The following NBAS variants were observed in gnomAD, a reference collection of about 807,000 sequenced individuals.
The protein encoded by NBAS is NAG/BC035112 fusion.
In NBAS, 219 loss-of-function variants were observed where a neutral mutation model predicts 302.5. The observed-to-expected ratio is 0.72, with a 90% CI of 0.65 to 0.81. The LOEUF is 0.81. Ranked by LOEUF, NBAS falls within the 30% of genes least tolerant of loss-of-function variation. The probability of loss-of-function intolerance (pLI) is 0.00; values close to 1 mark genes in which losing one functional copy is unlikely to be tolerated. For missense variants in NBAS, 2,932 were observed against 2,841.6 expected (o/e 1.03, Z -0.72); for synonymous variants, 1,118 against 1,021.6 (o/e 1.09, Z -1.80).
At chr2:15,539,457 T>TA (rs1663692363) in intron 6 of NBAS, 101 bp from the exon 7 acceptor site, 1 of 1,379,792 alleles carries the variant, frequency 7.2e-7, no homozygotes, top group Admixed American at 1.8e-5. Context: ...GTACAATAAT[T>TA]ACGTCATCTC....
chr2:14,859,388 A>T, the NBAS span, among the ~76,000 whole-genome samples: 1 of 152,028 alleles, frequency 6.6e-6, no homozygotes, highest in African/African-American at 2.4e-5. Flanking sequence ...GCCAAAGCCA[A>T]TCCTGAGCAA....
At chr2:15,526,257 A>G (rs1662908416) in intron 9 of NBAS, among the ~76,000 whole-genome samples, 1 of 152,202 alleles carries the variant, frequency 6.6e-6, no homozygotes, top group Non-Finnish European at 1.5e-5. Flanking sequence ...TAGGATATAT[A>G]AAAAAGAAAA....
At chr2:14,834,088 T>A in the NBAS span, among the ~76,000 whole-genome samples, 1 of 152,138 alleles carries the variant, frequency 6.6e-6, no homozygotes, top group Non-Finnish European at 1.5e-5. Flanking sequence ...GCAAATAACT[T>A]GGATTTAAAT....
chr2:15,421,286 C>T (rs1303154452), intron 23 of NBAS, among the ~76,000 whole-genome samples: 2 of 152,132 alleles, frequency 1.3e-5, no homozygotes, highest in East Asian at 3.8e-4. Flanking sequence ...TTTTGTGATC[C>T]AAACTAGTAT....
At chr2:14,933,038 A>G in the NBAS span, among the ~76,000 whole-genome samples, 4 of 152,242 alleles carry the variant, frequency 2.6e-5, no homozygotes, top group Non-Finnish European at 5.9e-5. Flanking sequence ...GGCTTATCAT[A>G]TACAATAGTA....
chr2:14,957,727 G>A, the NBAS span, among the ~76,000 whole-genome samples: 38 of 152,162 alleles, frequency 2.5e-4, no homozygotes, highest in Admixed American at 1.6e-3. Flanking sequence ...CTGCCTGAGC[G>A]TCCCATCTCT....
the NBAS span, among the ~76,000 whole-genome samples, chr2:15,153,559 C>G: frequency 5.3e-5 from 8 of 152,340 alleles, no homozygotes; most frequent in Non-Finnish European, 1.2e-4. Flanking sequence ...TTAGCATCTA[C>G]CAACATTGCT....
chr2:14,882,174 A>G, the NBAS span, among the ~76,000 whole-genome samples: 1 of 152,218 alleles, frequency 6.6e-6, no homozygotes, highest in Non-Finnish European at 1.5e-5. Flanking sequence ...ATTAAAGAAA[A>G]TAATGGCTCT....
Position 15,374,732 on chromosome 2 carries a change from T to C in NBAS, c.3591-12A>G, listed in dbSNP as rs373324623. On this transcript the variant is annotated splice_polypyrimidine_tract_variant and intron_variant, in intron 30 of 51. Transcript: ENST00000281513. ...GTTGTAAGCAGCACCTAGAAGAAAT[T>C]AGATAAATTTTTAAAAAGAAGCAAC... 1.9e-5 allele frequency: 30 copies of C among 1,606,964 alleles called. No individual in the cohort carries two copies. The highest frequency in any genetic ancestry group is 1.3e-4 in the African/African-American group (10 of 74,776).
the NBAS span, among the ~76,000 whole-genome samples, chr2:15,114,910 C>A: frequency 1.3e-5 from 2 of 152,074 alleles, no homozygotes; most frequent in South Asian, 2.1e-4. Context: ...ATGATAAATA[C>A]AAGAAGATAG....
chr2:15,417,741 T>A, intron 23 of NBAS, 29 bp from the exon 24 acceptor site: 1 of 1,595,378 alleles, frequency 6.3e-7, no homozygotes, highest in Non-Finnish European at 8.6e-7. Context: ...AATAAGTTCC[T>A]GAGTATTATA....
At chr2:14,853,637 G>A in the NBAS span, among the ~76,000 whole-genome samples, 1 of 91,120 alleles carries the variant, frequency 1.1e-5, no homozygotes, top group East Asian at 3.0e-4. Flanking sequence ...GTTTATTGCG[G>A]CATTATTCAC....
the NBAS span, among the ~76,000 whole-genome samples, chr2:15,102,537 C>T: frequency 3.3e-5 from 5 of 152,192 alleles, no homozygotes; most frequent in Non-Finnish European, 7.3e-5. Context: ...ATTCCCCTAC[C>T]CAATAATGAG....
chr2:15,335,552 T>A (rs1168796376), intron 35 of NBAS, among the ~76,000 whole-genome samples: 1 of 152,232 alleles, frequency 6.6e-6, no homozygotes, highest in East Asian at 1.9e-4. Context: ...TATCTCTTTG[T>A]GGTTTTAACG....
chr2:14,809,957 G>A, the NBAS span, among the ~76,000 whole-genome samples: 361 of 152,336 alleles, frequency 2.4e-3, no homozygotes, highest in African/African-American at 7.9e-3. Flanking sequence ...TGACTGCCCC[G>A]CTGTATTTTG....
the NBAS span, among the ~76,000 whole-genome samples, chr2:15,007,058 C>T: frequency 6.6e-6 from 1 of 152,162 alleles, no homozygotes; most frequent in Non-Finnish European, 1.5e-5. Context: ...TTAACCACCC[C>T]AGGGGACCTT....
intron 21 of NBAS, among the ~76,000 whole-genome samples, chr2:15,441,319 T>G (rs974614957): frequency 4.8e-4 from 73 of 152,186 alleles, no homozygotes; most frequent in African/African-American, 1.6e-3. Flanking sequence ...CGGCAGAAAC[T>G]CTACAAACCA....
At chr2:14,896,005 G>A in the NBAS span, among the ~76,000 whole-genome samples, 3 of 150,224 alleles carry the variant, frequency 2.0e-5, no homozygotes, top group African/African-American at 4.9e-5. Flanking sequence ...CTATAAAGGG[G>A]AAAAAAAAAC....
chr2:15,384,217 C>A (rs1043377684), intron 28 of NBAS, among the ~76,000 whole-genome samples: 6 of 152,184 alleles, frequency 3.9e-5, no homozygotes, highest in African/African-American at 1.4e-4. Flanking sequence ...AATTAATGGT[C>A]AGATTCTCCC....
Sources: gnomAD v4.1 joint callset for allele counts (sites outside exome capture counted in the v4.1 genomes callset) on GRCh38, gnomAD v4.1.1 for gene constraint, MANE v1.5 for transcripts, NCBI Gene and HGNC (gene_info 2026-07-23, HGNC 2026-07-21) for gene names.